Variants in TMC1 observed in about 807,000 individuals in gnomAD.
TMC1 encodes the protein transmembrane channel like 1, also known as transmembrane channel-like protein 1.
Under a neutral mutation model 105.8 loss-of-function variants are expected in TMC1, and 84 were observed. The ratio of observed to expected loss-of-function variants is 0.79; its 90% confidence interval spans 0.67 to 0.95. The LOEUF (loss-of-function observed/expected upper bound fraction) is 0.95. Ranked by LOEUF, TMC1 falls within the 40% of genes least tolerant of loss-of-function variation. The pLI is 0.00. For missense variants in TMC1, 817 were observed against 914.1 expected, an observed-to-expected ratio of 0.89 and a Z score of 1.37; for synonymous variants, 315 against 311.5, an observed-to-expected ratio of 1.01 and a Z score of -0.12.
Position 72,618,853 on chromosome 9 carries a change from A to T in TMC1, c.-196+2376A>T, listed in dbSNP as rs1452048179. 2.0e-5 allele frequency among the ~76,000 whole-genome samples: 3 copies of T among 152,182 alleles called. No individual in the cohort carries two copies. In the East Asian group the frequency reaches 5.8e-4, roughly 29 times the overall value. The stretch of plus-strand genomic sequence containing the variant: ...GAAGCCAGTAAAAATGTTATCTTAA[A>T]TTTAAACTGGAAACCTCAGTATAAA... On this transcript the variant is annotated intron_variant, in intron 3 of 23. Coordinates refer to ENST00000297784, the MANE Select transcript of TMC1 (RefSeq NM_138691.3).
chr9:72,713,892 C>G (rs1163678173), intron 8 of TMC1, among the ~76,000 whole-genome samples: 1 of 151,966 alleles, frequency 6.6e-6, no homozygotes, highest in Non-Finnish European at 1.5e-5. Flanking sequence ...CTTTCTTTCT[C>G]TTGTGGGCTT....
chr9:72,758,498 A>T (rs1401060406), intron 12 of TMC1, among the ~76,000 whole-genome samples: 1 of 152,238 alleles, frequency 6.6e-6, no homozygotes, highest in East Asian at 1.9e-4. Context: ...TTCAAATGAG[A>T]TGCTGTCTTG....
intron 2 of TMC1, among the ~76,000 whole-genome samples, chr9:72,582,834 A>T (rs894724756): frequency 6.6e-6 from 1 of 152,252 alleles, no homozygotes; most frequent in Admixed American, 6.5e-5. Context: ...TGTTAAACCC[A>T]CACTAAACCT....
chr9:72,584,765 C>CTCCT (rs911356792), intron 2 of TMC1, among the ~76,000 whole-genome samples: 2 of 139,950 alleles, frequency 1.4e-5, no homozygotes, highest in African/African-American at 5.4e-5. Context: ...AAATGTAGTT[C>CTCCT]TCCTTTTTCT....
rs141228929 is a variant in TMC1, at chr9:72,764,879, A to G, written c.742-7534A>G. On this transcript the variant is annotated intron_variant, in intron 12 of 23. Transcript: ENST00000297784. The stretch of plus-strand genomic sequence containing the variant: ...TTGGATATGCAAACAAACAATTGCC[A>G]TGCAAAATGACAATCTGAGGCTGAT... Among the ~76,000 whole-genome samples, 573 of 152,338 alleles carry G rather than the reference A, an allele frequency of 3.8e-3. 4 individuals are homozygous for G. The highest frequency in any genetic ancestry group is 0.012 in the African/African-American group (496 of 41,582).
At chr9:72,700,214 G>A (rs1166974352) in intron 7 of TMC1, among the ~76,000 whole-genome samples, 1 of 149,530 alleles carries the variant, frequency 6.7e-6, no homozygotes, top group African/African-American at 2.5e-5. Flanking sequence ...TCGCACCATT[G>A]CACTACAGCC....
intron 1 of TMC1, among the ~76,000 whole-genome samples, chr9:72,556,857 G>C (rs1277478434): frequency 6.6e-6 from 1 of 151,504 alleles, no homozygotes; most frequent in Non-Finnish European, 1.5e-5. Context: ...AAAAAAATTG[G>C]TTCTTGAGCA....
intron 12 of TMC1, among the ~76,000 whole-genome samples, chr9:72,765,923 A>G (rs1827825471): frequency 6.6e-6 from 1 of 152,218 alleles, no homozygotes; most frequent in Non-Finnish European, 1.5e-5. Context: ...AGAAGCCAGA[A>G]GAGTTAAAAA....
At chr9:72,711,681 T>G (rs1385701221) in intron 8 of TMC1, among the ~76,000 whole-genome samples, 1 of 152,232 alleles carries the variant, frequency 6.6e-6, no homozygotes, top group Non-Finnish European at 1.5e-5. Context: ...CTTTGTCAGA[T>G]GGATAGATTG....
At chr9:72,725,519 T>G (rs1402750208) in intron 8 of TMC1, among the ~76,000 whole-genome samples, 1 of 151,392 alleles carries the variant, frequency 6.6e-6, no homozygotes, top group Non-Finnish European at 1.5e-5. Flanking sequence ...GAGTCCGATA[T>G]TCGAGGGCAT....
rs182454689 is a variant in TMC1 at position 72,727,972 on chromosome 9, A to G, written c.363-12147A>G. Among the ~76,000 whole-genome samples, 133 of 152,258 alleles carry G rather than the reference A, an allele frequency of 8.7e-4. 1 individual carries two copies. Among genetic ancestry groups the G allele is most frequent in the African/African-American group, 3.1e-3 (128 of 41,568 alleles). On this transcript the variant is annotated intron_variant, in intron 8 of 23. Coordinates refer to ENST00000297784, the MANE Select transcript of TMC1 (RefSeq NM_138691.3). The stretch of plus-strand genomic sequence containing the variant: ...CCATTATAAAATGCTTCACACTAAA[A>G]AAGAATTCTTTACAATAATTTGGTT...
chr9:72,695,848 A>C (rs1826541387), intron 7 of TMC1, among the ~76,000 whole-genome samples: 1 of 152,132 alleles, frequency 6.6e-6, no homozygotes, highest in Non-Finnish European at 1.5e-5. Flanking sequence ...TACCAAGACA[A>C]AACTTGCTTT....
chr9:72,601,007 G>T (rs1824801393), intron 2 of TMC1, among the ~76,000 whole-genome samples: 1 of 152,162 alleles, frequency 6.6e-6, no homozygotes, highest in Non-Finnish European at 1.5e-5. Context: ...CAGTTTCTGT[G>T]TTCCAAATAC....
intron 2 of TMC1, among the ~76,000 whole-genome samples, chr9:72,598,842 T>C (rs1481588198): frequency 6.6e-6 from 1 of 152,116 alleles, no homozygotes; most frequent in East Asian, 1.9e-4. Flanking sequence ...TCCTGTACAT[T>C]TGGGGATGTC....
intron 8 of TMC1, among the ~76,000 whole-genome samples, chr9:72,722,912 G>A (rs1264152399): frequency 1.3e-5 from 2 of 152,252 alleles, no homozygotes; most frequent in East Asian, 3.9e-4. Flanking sequence ...TTCATAATCA[G>A]TGGTTTTGTG....
At chr9:72,632,667 A>G (rs1046873347) in intron 4 of TMC1, among the ~76,000 whole-genome samples, 2 of 152,216 alleles carry the variant, frequency 1.3e-5, no homozygotes, top group Non-Finnish European at 2.9e-5. Flanking sequence ...GAAAATGATC[A>G]AAGTATGCAG....
chr9:72,585,614 A>G (rs983654626), intron 2 of TMC1, among the ~76,000 whole-genome samples: 64 of 152,260 alleles, frequency 4.2e-4, no homozygotes, highest in African/African-American at 1.4e-3. Context: ...AGTTTGCAAA[A>G]TAAAGAGTTT....
chr9:72,808,821 C>T (rs536061230), intron 18 of TMC1: 3 of 152,290 alleles, frequency 2.0e-5, no homozygotes, highest in African/African-American at 7.2e-5. Flanking sequence ...TATCTCCTGC[C>T]CTCTAGTCTC....
At chr9:72,738,910 A>G (rs1827343426) in intron 8 of TMC1, among the ~76,000 whole-genome samples, 1 of 151,946 alleles carries the variant, frequency 6.6e-6, no homozygotes, top group South Asian at 2.1e-4. Flanking sequence ...CATCACTTAA[A>G]CTATATGTTC....
Sources: allele counts gnomAD v4.1 joint callset (sites outside exome capture counted in the v4.1 genomes callset), GRCh38; gene constraint gnomAD v4.1.1; transcripts MANE v1.5; gene names NCBI Gene and HGNC (gene_info 2026-07-23, HGNC 2026-07-21).